The following FIG4 variants were observed in gnomAD, a reference collection of about 807,000 sequenced individuals.
The protein encoded by FIG4 is FIG4 phosphoinositide 5-phosphatase, also known as polyphosphoinositide phosphatase.
FIG4 carries 112 observed loss-of-function variants against 118.6 expected under a neutral mutation model. The observed-to-expected ratio is 0.94, with a 90% CI of 0.81 to 1.11. FIG4 has a LOEUF of 1.11. Among genes scored for constraint, FIG4 ranks in the 50% least tolerant of loss-of-function variants. The pLI, the probability that FIG4 is intolerant of heterozygous loss-of-function variation, is 0.00. For synonymous variants in FIG4, 369 were observed against 381.2 expected, an observed-to-expected ratio of 0.97 and a Z score of 0.37; for missense variants, 969 against 1,111.7, an observed-to-expected ratio of 0.87 and a Z score of 1.83.
intron 7 of FIG4, among the ~76,000 whole-genome samples, chr6:109,740,951 G>C (rs902386781): frequency 6.6e-6 from 1 of 152,042 alleles, no homozygotes; most frequent in Non-Finnish European, 1.5e-5. Flanking sequence ...GAGCAAAGGG[G>C]GAAGTGCCAC....
intron 4 of FIG4, 110 bp from the exon 5 acceptor site, chr6:109,732,527 C>G (rs1293889232): frequency 4.4e-6 from 3 of 688,568 alleles, no homozygotes; most frequent in East Asian, 2.7e-5. Context: ...TTGAATTCCT[C>G]AGCTTTAATG....
At chr6:109,806,391 G>A (rs1423540346) in intron 22 of FIG4, among the ~76,000 whole-genome samples, 2 of 152,092 alleles carry the variant, frequency 1.3e-5, no homozygotes, top group African/African-American at 4.8e-5. Flanking sequence ...ATGACTTCTA[G>A]AGATACAAAG....
chr6:109,717,138 T>C (rs1775458203), intron 3 of FIG4, among the ~76,000 whole-genome samples: 1 of 152,122 alleles, frequency 6.6e-6, no homozygotes, highest in Non-Finnish European at 1.5e-5. Context: ...CCCAAGTCAC[T>C]GTGACACAGA....
intron 15 of FIG4, among the ~76,000 whole-genome samples, chr6:109,767,765 G>A (rs767620058): frequency 6.6e-5 from 10 of 152,122 alleles, no homozygotes; most frequent in African/African-American, 1.2e-4. Flanking sequence ...CCAGCTACGC[G>A]GGAGGCTGAG....
Position 109,825,158 on chromosome 6 carries a change from A to C in FIG4, c.2617A>C (p.Thr873Pro), listed in dbSNP as rs199765196. The C allele has an allele frequency of 3.6e-5, 58 of 1,614,014 alleles. No individual in the cohort carries two copies. Among genetic ancestry groups the C allele is most frequent in the Non-Finnish European group, 4.9e-5 (58 of 1,179,866 alleles). The change falls in exon 23 of 23, where the codon ACA (threonine) becomes CCA (proline). Residue 873 changes from threonine (T) to proline (P), a missense_variant. Transcript: ENST00000230124. ...GCCCCCAAGAGTAGACAGAAAATCT[A>C]CAGAGATCTTCCAAGCCCACATCCA... Reference protein sequence around the residue: ...VQPPRVDRKSTEIFQAHIQAS... With the variant: ...VQPPRVDRKSPEIFQAHIQAS...
rs776185371 is a variant in FIG4 at position 109,743,708 on chromosome 6, C to T, written c.1073C>T (p.Ala358Val). 1.9e-6 allele frequency: 3 copies of T among 1,612,498 alleles called. No homozygotes were observed. Among genetic ancestry groups the T allele is most frequent in the South Asian group, 2.2e-5 (2 of 91,082 alleles). The change falls in exon 10 of 23, where the codon GCC becomes GTC. Residue 358 changes from alanine (A) to valine (V), a missense_variant. Ala to Val is a moderately conservative substitution (Grantham distance 64). Transcript: ENST00000230124. ...GCAGATCCATTTGCACATGTGGCTG[C>T]CCTTCACTTTGACCAGATGTTCCAG... ...DQADPFAHVA[A>V]LHFDQMFQRF...
At chr6:109,693,577 A>G (rs1192176445) in intron 1 of FIG4, among the ~76,000 whole-genome samples, 2 of 152,196 alleles carry the variant, frequency 1.3e-5, no homozygotes, top group Non-Finnish European at 2.9e-5. Context: ...GAGCCATTGC[A>G]TGGTATCCAG....
chr6:109,744,553 G>A (rs549280054), intron 10 of FIG4, among the ~76,000 whole-genome samples: 1 of 152,078 alleles, frequency 6.6e-6, no homozygotes, highest in Non-Finnish European at 1.5e-5. Context: ...TATTCTGAGA[G>A]GTTGGTTAAT....
At chr6:109,729,833 A>T (rs1016521897) in intron 4 of FIG4, among the ~76,000 whole-genome samples, 3 of 151,994 alleles carry the variant, frequency 2.0e-5, no homozygotes, top group African/African-American at 7.2e-5. Flanking sequence ...TAAGACATAC[A>T]GGAACCAGTA....
chr6:109,782,818 T>C (rs1777844423), intron 16 of FIG4, among the ~76,000 whole-genome samples: 1 of 152,226 alleles, frequency 6.6e-6, no homozygotes, highest in South Asian at 2.1e-4. Flanking sequence ...TTTTTGTGAA[T>C]AGATGTGAAT....
chr6:109,756,364 T>C (rs1191154299), intron 10 of FIG4, among the ~76,000 whole-genome samples: 2 of 152,198 alleles, frequency 1.3e-5, no homozygotes, highest in Non-Finnish European at 2.9e-5. Flanking sequence ...CTGGCTGCCC[T>C]TAACATTTTT....
rs1583749308 is a variant in FIG4 at position 109,796,789 on chromosome 6, A to G, written c.2484A>G (p.Gln828=). 6.2e-7 allele frequency: 1 copy of G among 1,611,916 alleles called. No homozygotes were observed. The highest frequency in any genetic ancestry group is 8.5e-7 in the Non-Finnish European group (1 of 1,177,970). ...GATTTGTTCAGCTGGGGCAGAGTCA[A>G]CATAAACAAGACAAGAATAGCCAGC... The part of the protein sequence containing the change: ...YSRFVQLGQS[Q]HKQDKNSQQP... Residue 828 remains glutamine (Q), a synonymous_variant, in exon 22 of 23, where the codon CAA becomes CAG. Transcript: ENST00000230124.
chr6:109,766,578 G>A (rs1439016447), intron 14 of FIG4, 151 bp from the exon 15 acceptor site: 1 of 683,120 alleles, frequency 1.5e-6, no homozygotes, highest in African/African-American at 1.8e-5. Context: ...AAATATATTA[G>A]CGTTTGCATT....
chr6:109,762,348 A>G (rs1363474345), intron 12 of FIG4, 141 bp downstream of exon 12: 5 of 677,048 alleles, frequency 7.4e-6, no homozygotes, highest in Non-Finnish European at 5.4e-6. Context: ...CTGAGTGCTG[A>G]ATGTTCACTG....
At chr6:109,762,590 T>C (rs1777145688) in intron 12 of FIG4, among the ~76,000 whole-genome samples, 1 of 150,516 alleles carries the variant, frequency 6.6e-6, no homozygotes, top group Non-Finnish European at 1.5e-5. Context: ...CACAAATCTT[T>C]TATTACTATT....
At chr6:109,714,952 C>T in intron 1 of FIG4, 126 bp from the exon 2 acceptor site, 1 of 605,064 alleles carries the variant, frequency 1.7e-6, no homozygotes, top group Non-Finnish European at 2.9e-6. Context: ...TTATACATAA[C>T]AGAAATATTT....
At chr6:109,786,092 G>A (rs1777946782) in intron 17 of FIG4, 1 of 569,132 alleles carries the variant, frequency 1.8e-6, no homozygotes. Flanking sequence ...CTTAGAGCTT[G>A]TTGAACTCAG....
intron 5 of FIG4, among the ~76,000 whole-genome samples, chr6:109,733,968 ACT>A (rs1447241525): frequency 2.6e-5 from 4 of 151,844 alleles, no homozygotes; most frequent in Non-Finnish European, 5.9e-5. Flanking sequence ...TATTCTTAAG[ACT>A]CTCTAGAAAA....
Position 109,716,531 on chromosome 6 carries a change from G to C in FIG4, c.252G>C (p.Ser84=). 6.2e-7 allele frequency: 1 copy of C among 1,613,900 alleles called. No individual in the cohort carries two copies. The highest frequency in any genetic ancestry group is 8.5e-7 in the Non-Finnish European group (1 of 1,179,848). ...NRTKMGQKGS[S]GLFRAVSAFG... ...CAAAGATGGGACAGAAAGGATCCTC[G>C]GGCTTATTTCGAGCGGTTTCAGCTT... The change falls in exon 3 of 23, where the codon TCG becomes TCC. Residue 84 remains serine (S), a synonymous_variant. Coordinates refer to ENST00000230124, the MANE Select transcript of FIG4 (RefSeq NM_014845.6).
Sources: allele counts gnomAD v4.1 joint callset (sites outside exome capture counted in the v4.1 genomes callset), GRCh38; gene constraint gnomAD v4.1.1; transcripts MANE v1.5; gene names NCBI Gene and HGNC (gene_info 2026-07-23, HGNC 2026-07-21).